NIPA2: variants seen among roughly 807,000 people sequenced by gnomAD.
NIPA2 encodes the protein magnesium transporter NIPA2.
A neutral mutation model predicts 29.7 loss-of-function variants in NIPA2; 11 were observed. That is an observed-to-expected ratio of 0.37 (90% CI 0.23 to 0.61). NIPA2 has a LOEUF of 0.61. NIPA2 is among the 20% of genes least tolerant of loss of function. The pLI is 0.66. For missense variants in NIPA2, 426 were observed against 437.9 expected (o/e 0.97, Z 0.24); for synonymous variants, 183 against 161.9 (o/e 1.13, Z -0.99).
rs757051124 is a variant in NIPA2 at position 22,866,423 on chromosome 15, T to C, written c.659T>C (p.Ile220Thr). 1.9e-6 allele frequency: 3 copies of C among 1,614,194 alleles called. No individual in the cohort carries two copies. The highest frequency in any genetic ancestry group is 1.7e-5 in the Admixed American group (1 of 60,030). Reference protein sequence around the residue: ...KPVLRHPLAWILLLSLIVCVS... With the variant: ...KPVLRHPLAWTLLLSLIVCVS... ...GTGCTGCGGCATCCCCTGGCTTGGA[T>C]TCTGCTGCTGAGCCTCATCGTCTGT... is the stretch of plus-strand genomic sequence containing the variant. The change falls in exon 8 of 8, where the codon ATT becomes ACT. Residue 220 changes from isoleucine (I) to threonine (T), a missense_variant. By Grantham distance (89) the Ile-to-Thr change is moderately conservative. Transcript: ENST00000337451.
rs1252231859 is a variant in NIPA2 at position 22,867,429 on chromosome 15, C to G, written c.*582C>G. On this transcript the variant is annotated 3_prime_UTR_variant, in exon 8 of 8. Coordinates refer to ENST00000337451, the MANE Select transcript of NIPA2 (RefSeq NM_030922.7). The stretch of plus-strand genomic sequence containing the variant: ...GAAATCACCCCAAGGAACGATTTCT[C>G]AGGTTGAGATGATCACCGTGAATCC... 1 of 368,204 alleles carries G rather than the reference C, an allele frequency of 2.7e-6. No homozygotes were observed. The highest frequency in any genetic ancestry group is 4.8e-6 in the Non-Finnish European group (1 of 208,290). The allele number at this position is 368,204 out of a possible 1,614,324, so 22.8% of individuals were successfully genotyped here.
intron 3 of NIPA2, among the ~76,000 whole-genome samples, chr15:22,847,857 G>A (rs184970695): frequency 4.6e-5 from 7 of 152,066 alleles, no homozygotes; most frequent in Non-Finnish European, 1.0e-4. Context: ...GAATGCAATG[G>A]CACTATCTCA....
intron 7 of NIPA2, among the ~76,000 whole-genome samples, chr15:22,866,009 A>G (rs1415655395): frequency 6.6e-6 from 1 of 152,176 alleles, no homozygotes; most frequent in African/African-American, 2.4e-5. Flanking sequence ...CAATTTGTGA[A>G]TATGAAGCTC....
rs575941630 is a variant in NIPA2, at chr15:22,864,726, T to C, written c.449-1487T>C. 7.8e-3 allele frequency among the ~76,000 whole-genome samples: 1,186 copies of C among 152,342 alleles called. 21 individuals carry two copies. Among genetic ancestry groups the C allele is most frequent in the Non-Finnish European group, 7.4e-3 (501 of 68,016 alleles). ...TCCACTTCAGAGGCACTTTGTATCT[T>C]TTGAGCATTCTGTGCCACAAACTAA... On this transcript the variant is annotated intron_variant, in intron 7 of 7. Transcript: ENST00000337451.
Position 22,867,355 on chromosome 15 carries a change from A to C in NIPA2, c.*508A>C, listed in dbSNP as rs888007522. The stretch of plus-strand genomic sequence containing the variant: ...TTGAAATATTTATTAAGGGAAAACT[A>C]AGTTACTGAATGAAGGAACCTCTTT... On this transcript the variant is annotated 3_prime_UTR_variant, in exon 8 of 8. Transcript: ENST00000337451. 7.6e-6 allele frequency: 3 copies of C among 394,640 alleles called. No individual in the cohort carries two copies. The highest frequency in any genetic ancestry group is 1.3e-5 in the Non-Finnish European group (3 of 224,064). 24.4% of individuals were successfully genotyped at this position (394,640 alleles called of 1,614,324 possible).
chr15:22,840,713 G>A (rs1205852379), intron 2 of NIPA2, among the ~76,000 whole-genome samples: 1 of 152,138 alleles, frequency 6.6e-6, no homozygotes, highest in African/African-American at 2.4e-5. Flanking sequence ...TTCCTTAGCT[G>A]TAAAGTGATA....
In NIPA2 at chr15:22,858,584, C is replaced by G; in HGVS notation, c.241C>G (p.Pro81Ala). 6.2e-7 allele frequency: 1 copy of G among 1,609,168 alleles called. No homozygotes were observed. The highest frequency in any genetic ancestry group is 8.5e-7 in the Non-Finnish European group (1 of 1,177,006). ...CAACTTCGCTGCGTATGCGTTTGCA[C>G]CAGCCACTCTAGTGACTCCACTAGG... is the stretch of plus-strand genomic sequence containing the variant. ...VANFAAYAFA[P>A]ATLVTPLGAL... Residue 81 changes from proline (P) to alanine (A), a missense_variant, in exon 6 of 8, where the codon CCA becomes GCA. Transcript: ENST00000337451.
rs11263678 is a variant in NIPA2, at chr15:22,865,961, C to T, written c.449-252C>T. Reference sequence around the variant, plus strand: ...GCCTGGTGAGCTAGAGCACTTAAGTCGGCATAAAGTGCTGCTGCAAAAATG... The same window carrying T: ...GCCTGGTGAGCTAGAGCACTTAAGTTGGCATAAAGTGCTGCTGCAAAAATG... On this transcript the variant is annotated intron_variant, in intron 7 of 7. Transcript: ENST00000337451. Among the ~76,000 whole-genome samples the T allele has an allele frequency of 0.43, 65,987 of 151,770 alleles. 16,429 individuals are homozygous for T. Among genetic ancestry groups the T allele is most frequent in the Non-Finnish European group, 0.55 (37,696 of 67,948 alleles).
At chr15:22,858,666 G>A in intron 6 of NIPA2, 36 bp downstream of exon 6, 3 of 1,276,422 alleles carry the variant, frequency 2.4e-6, no homozygotes, top group Non-Finnish European at 3.3e-6. Context: ...ACAGTAGTCG[G>A]TATCTTAGTT....
At chr15:22,846,818 A>AATTAATAATAATAATAAT (rs34966379) in intron 3 of NIPA2, among the ~76,000 whole-genome samples, 2 of 135,842 alleles carry the variant, frequency 1.5e-5, no homozygotes, top group African/African-American at 2.7e-5. Context: ...CCTGTCTCCA[A>AATTAATAATAATAATAAT]AATAATAATA....
chr15:22,845,397 T>G (rs1392403755), intron 3 of NIPA2, 130 bp downstream of exon 3: 1 of 152,156 alleles, frequency 6.6e-6, no homozygotes, highest in East Asian at 1.9e-4. Flanking sequence ...GTTCCATGCA[T>G]GAAGAAACAA....
chr15:22,856,334 TA>T (rs548079639), intron 5 of NIPA2, among the ~76,000 whole-genome samples: 6 of 151,044 alleles, frequency 4.0e-5, no homozygotes, highest in Admixed American at 2.6e-4. Flanking sequence ...AGTATTCAGT[TA>T]AAAAAAATAG....
At chr15:22,863,562 C>T (rs2058764011) in intron 7 of NIPA2, among the ~76,000 whole-genome samples, 1 of 152,218 alleles carries the variant, frequency 6.6e-6, no homozygotes, top group Non-Finnish European at 1.5e-5. Flanking sequence ...TTTGGCTCCT[C>T]TGACCTTGGC....
intron 5 of NIPA2, among the ~76,000 whole-genome samples, chr15:22,855,959 C>T (rs1824943898): frequency 6.6e-6 from 1 of 152,154 alleles, no homozygotes; most frequent in African/African-American, 2.4e-5. Context: ...CAGTTCAAAA[C>T]GGTGTGATCC....
Position 22,847,051 on chromosome 15 carries a change from G to A in NIPA2, c.-94+1784G>A, listed in dbSNP as rs765963447. ...CCCGAGTAGCTAAGATTACAGGTAT[G>A]TGCCACCATGCCCTGCTAATTTTTT... is the stretch of plus-strand genomic sequence containing the variant. On this transcript the variant is annotated intron_variant, in intron 3 of 7. Transcript: ENST00000337451. 1.2e-3 allele frequency among the ~76,000 whole-genome samples: 185 copies of A among 151,042 alleles called. 3 individuals are homozygous for A. In the Middle Eastern group the frequency reaches 0.014, roughly 11 times the overall value.
Position 22,842,485 on chromosome 15 carries a change from C to G in NIPA2, c.-215-2661C>G, listed in dbSNP as rs560734899. Among the ~76,000 whole-genome samples the G allele has an allele frequency of 1.4e-3, 210 of 151,444 alleles. 1 individual carries two copies. Among genetic ancestry groups the G allele is most frequent in the Middle Eastern group, 6.8e-3 (2 of 294 alleles). On this transcript the variant is annotated intron_variant, in intron 2 of 7. Coordinates refer to ENST00000337451, the MANE Select transcript of NIPA2 (RefSeq NM_030922.7). ...TGGGTGGATCACAAGGTCAGGAGATCGAGACCATCCTGGCTAACATGGTGA... is the reference window on the plus strand; with the variant it reads ...TGGGTGGATCACAAGGTCAGGAGATGGAGACCATCCTGGCTAACATGGTGA...
intron 2 of NIPA2, 101 bp downstream of exon 2, chr15:22,839,891 A>G (rs970143122): frequency 9.2e-5 from 14 of 152,168 alleles, no homozygotes; most frequent in Non-Finnish European, 1.8e-4. Flanking sequence ...TTGAAAAATT[A>G]TTAGCCAAGT....
At chr15:22,853,538 CTAAT>C (rs1457043717) in intron 5 of NIPA2, among the ~76,000 whole-genome samples, 1 of 151,858 alleles carries the variant, frequency 6.6e-6, no homozygotes, top group Non-Finnish European at 1.5e-5. Context: ...CCACGCCCAG[CTAAT>C]TTTTTGTATT....
intron 3 of NIPA2, among the ~76,000 whole-genome samples, chr15:22,850,488 T>G (rs917524135): frequency 2.0e-5 from 3 of 152,168 alleles, no homozygotes; most frequent in African/African-American, 7.2e-5. Context: ...TCAAAAACAT[T>G]GGACTTTTTC....
Sources: allele counts gnomAD v4.1 joint callset (sites outside exome capture counted in the v4.1 genomes callset), GRCh38; gene constraint gnomAD v4.1.1; transcripts MANE v1.5; gene names NCBI Gene and HGNC (gene_info 2026-07-23, HGNC 2026-07-21).